Variants in NLGN1 observed in about 807,000 individuals in gnomAD.
The protein encoded by NLGN1 is neuroligin-1.
In NLGN1, 12 loss-of-function variants were observed where a neutral mutation model predicts 65.5. That is an observed-to-expected ratio of 0.18 (90% CI 0.12 to 0.30). NLGN1 has a LOEUF of 0.30. Among genes scored for constraint, NLGN1 ranks in the 10% least tolerant of loss-of-function variants. The pLI, the probability that NLGN1 is intolerant of heterozygous loss-of-function variation, is 1.00. For missense variants in NLGN1, 750 were observed against 1,007.1 expected, an observed-to-expected ratio of 0.74 and a Z score of 3.46; for synonymous variants, 350 against 359.5, an observed-to-expected ratio of 0.97 and a Z score of 0.30.
intron 3 of NLGN1, chr3:173,685,527 C>A: frequency 2.6e-6 from 1 of 385,294 alleles, no homozygotes; most frequent in Non-Finnish European, 3.6e-6. Context: ...ACTGTTGTAC[C>A]TCAGCCCCTG....
rs13316198 is a variant in NLGN1, at chr3:173,934,651, C to T, written c.646+126819C>T. On this transcript the variant is annotated intron_variant, in intron 4 of 6. Transcript: ENST00000457714. ...CCTGATCTTTTACACCCTGAAAAAC[C>T]GTATTCTGTAAATAAGAAGCAGTTT... Among the ~76,000 whole-genome samples, 4 of 152,002 alleles carry T rather than the reference C, an allele frequency of 2.6e-5. No homozygotes were observed. The South Asian group carries it at 8.3e-4, about 32-fold the overall frequency.
intron 4 of NLGN1, among the ~76,000 whole-genome samples, chr3:174,265,756 A>C (rs1264124523): frequency 7.3e-6 from 1 of 136,462 alleles, no homozygotes; most frequent in Non-Finnish European, 1.5e-5. Flanking sequence ...ACCTAAAACT[A>C]AGAAGGCTAT....
intron 4 of NLGN1, among the ~76,000 whole-genome samples, chr3:174,027,375 C>A (rs1234996243): frequency 6.6e-6 from 1 of 151,920 alleles, no homozygotes; most frequent in Non-Finnish European, 1.5e-5. Context: ...TTCTGTTTAC[C>A]ATTTTGAGCT....
In NLGN1 at chr3:174,280,769, C is replaced by T; in HGVS notation, c.1938C>T (p.Val646=). ...CTACGAGAAAAAATTCTGTACCTGTCACGTCAGCCTTTCCCACTGCCAAGC... is the reference window on the plus strand; with the variant it reads ...CTACGAGAAAAAATTCTGTACCTGTTACGTCAGCCTTTCCCACTGCCAAGC... The change falls in exon 7 of 7, where the codon GTC becomes GTT. Residue 646 remains valine (V), a synonymous_variant. Coordinates refer to ENST00000457714, the Ensembl canonical transcript of NLGN1. This position sits in a 1 kb window ranked among gnomAD's most constrained non-coding sequence, Gnocchi z 4.9. The T allele has an allele frequency of 1.2e-6, 2 of 1,613,376 alleles. No individual in the cohort carries two copies. Among genetic ancestry groups the T allele is most frequent in the Non-Finnish European group, 1.7e-6 (2 of 1,179,554 alleles).
At chr3:174,138,805 A>G (rs1721732307) in intron 4 of NLGN1, among the ~76,000 whole-genome samples, 3 of 152,052 alleles carry the variant, frequency 2.0e-5, no homozygotes, top group Admixed American at 2.0e-4. Context: ...GATATTGAGT[A>G]TATTGCTTTA....
At chr3:173,450,050 T>G (rs1721184272) in intron 2 of NLGN1, among the ~76,000 whole-genome samples, 1 of 152,242 alleles carries the variant, frequency 6.6e-6, no homozygotes, top group Non-Finnish European at 1.5e-5. Flanking sequence ...TTGGAGCATT[T>G]AGGCCATTTA....
intron 4 of NLGN1, among the ~76,000 whole-genome samples, chr3:173,970,701 T>G (rs1579488708): frequency 6.6e-6 from 1 of 152,138 alleles, no homozygotes; most frequent in Admixed American, 6.6e-5. Flanking sequence ...CCTTGTCAAC[T>G]AAGAGTTGTG....
intron 2 of NLGN1, among the ~76,000 whole-genome samples, chr3:173,449,102 T>C (rs1720972681): frequency 3.3e-5 from 5 of 152,302 alleles, no homozygotes; most frequent in South Asian, 2.1e-4. Context: ...TGCCTTCTGC[T>C]AGCTTTTGAA....
chr3:173,560,107 C>T (rs1456353581), intron 2 of NLGN1, among the ~76,000 whole-genome samples: 2 of 152,042 alleles, frequency 1.3e-5, no homozygotes, highest in Non-Finnish European at 2.9e-5. Context: ...CCACGCCTGG[C>T]TAATTTTTTG....
chr3:173,901,869 C>T (rs188841578), intron 4 of NLGN1, among the ~76,000 whole-genome samples: 5 of 152,134 alleles, frequency 3.3e-5, no homozygotes, highest in African/African-American at 1.2e-4. Context: ...GAGTCAGAGC[C>T]ATTTGTCTCA....
intron 4 of NLGN1, among the ~76,000 whole-genome samples, chr3:174,074,355 G>A (rs1740481403): frequency 6.6e-6 from 1 of 152,138 alleles, no homozygotes; most frequent in Admixed American, 6.6e-5. Context: ...GGTGTTGTTT[G>A]TGATTATAAT....
intron 1 of NLGN1, among the ~76,000 whole-genome samples, chr3:173,422,900 A>G (rs1209092969): frequency 6.6e-6 from 1 of 152,126 alleles, no homozygotes; most frequent in Non-Finnish European, 1.5e-5. Flanking sequence ...TTTTTTCTGT[A>G]TTAGTCCATT....
chr3:174,238,577 G>T (rs1003407555), intron 4 of NLGN1, among the ~76,000 whole-genome samples: 9 of 152,066 alleles, frequency 5.9e-5, no homozygotes, highest in Admixed American at 3.3e-4. Flanking sequence ...TGGCCCGGAT[G>T]GTCTCAATCT....
At chr3:173,505,526 C>T (rs1052243976) in intron 2 of NLGN1, among the ~76,000 whole-genome samples, 3 of 152,104 alleles carry the variant, frequency 2.0e-5, no homozygotes, top group Non-Finnish European at 4.4e-5. Flanking sequence ...TGATATTCTG[C>T]ACCACTCTTC....
chr3:174,232,620 G>A (rs1484043837), intron 4 of NLGN1, among the ~76,000 whole-genome samples: 1 of 152,180 alleles, frequency 6.6e-6, no homozygotes, highest in Non-Finnish European at 1.5e-5. Context: ...AGTAAATAAT[G>A]TAGGCTCATA....
At chr3:173,455,272 T>C (rs1210797369) in intron 2 of NLGN1, among the ~76,000 whole-genome samples, 1 of 152,154 alleles carries the variant, frequency 6.6e-6, no homozygotes, top group Non-Finnish European at 1.5e-5. Flanking sequence ...TGGTGAGACC[T>C]GGAGCAAGGG....
At chr3:173,442,318 A>G (rs1331948922) in intron 2 of NLGN1, among the ~76,000 whole-genome samples, 2 of 152,190 alleles carry the variant, frequency 1.3e-5, no homozygotes, top group East Asian at 1.9e-4. Context: ...TTTAAAATGT[A>G]TCAAATGTTT....
At chr3:173,862,672 T>C (rs1337423954) in intron 4 of NLGN1, among the ~76,000 whole-genome samples, 2 of 152,110 alleles carry the variant, frequency 1.3e-5, no homozygotes, top group South Asian at 2.1e-4. Flanking sequence ...CTGTGACTAT[T>C]TAGACAGCAT....
At chr3:173,969,255 C>T (rs866123193) in intron 4 of NLGN1, among the ~76,000 whole-genome samples, 12 of 151,990 alleles carry the variant, frequency 7.9e-5, no homozygotes, top group South Asian at 4.2e-4. Context: ...CAATATGCCA[C>T]ATGATATGAT....
Sources: gnomAD v4.1 joint callset for allele counts (sites outside exome capture counted in the v4.1 genomes callset) on GRCh38, gnomAD v4.1.1 for gene constraint, Gnocchi (gnomAD v3.1) non-coding constraint, MANE v1.5 for transcripts, NCBI Gene and HGNC (gene_info 2026-07-23, HGNC 2026-07-21) for gene names.